Variants in PGPEP1 observed in about 807,000 individuals in gnomAD.
PGPEP1 encodes the protein pyroglutamyl-peptidase 1.
A neutral mutation model predicts 24.1 loss-of-function variants in PGPEP1; 15 were observed. That is an observed-to-expected ratio of 0.62 (90% CI 0.42 to 0.96). The LOEUF is 0.96. Among genes scored for constraint, PGPEP1 ranks in the 40% least tolerant of loss-of-function variants. The probability of loss-of-function intolerance (pLI) is 0.00; values close to 1 mark genes in which losing one functional copy is unlikely to be tolerated. For synonymous variants in PGPEP1, 122 were observed against 116.4 expected (o/e 1.05, Z -0.31); for missense variants, 242 against 273.4 (o/e 0.89, Z 0.81).
At chr19:18,351,786 AAATTC>A in intron 2 of PGPEP1, among the ~76,000 whole-genome samples, 1 of 151,942 alleles carries the variant, frequency 6.6e-6, no homozygotes, top group South Asian at 2.1e-4. Context: ...CTAAAAGAAA[AAATTC>A]TATGGGATTT....
chr19:18,346,871 C>T (rs1970862993), intron 2 of PGPEP1, among the ~76,000 whole-genome samples: 2 of 151,770 alleles, frequency 1.3e-5, no homozygotes, highest in Non-Finnish European at 2.9e-5. Flanking sequence ...AACTCCCGAC[C>T]TCAGGTGATT....
rs1971353680 is a variant in PGPEP1 at position 18,361,753 on chromosome 19, C to CAT, written c.438-1632_438-1631dup. ...TCCTACTGACTGACACGTTTCCGTA[C>CAT]ATATATACATCACTTGGCCTGCTGC... On this transcript the variant is annotated intron_variant, in intron 4 of 4. Coordinates refer to ENST00000269919, the MANE Select transcript of PGPEP1 (RefSeq NM_017712.4). The CAT allele has an allele frequency of 8.1e-6, 8 of 985,232 alleles. No individual in the cohort carries two copies. In the Admixed American group the frequency reaches 4.9e-4, roughly 61 times the overall value. 61.0% of individuals were successfully genotyped at this position (985,232 alleles called of 1,614,324 possible). A position where few individuals can be genotyped will look rare whatever the true frequency, so the allele number is the denominator to read the frequency against.
intron 2 of PGPEP1, 60 bp from the exon 3 acceptor site, chr19:18,355,835 G>C: frequency 4.8e-6 from 5 of 1,031,576 alleles, no homozygotes; most frequent in Non-Finnish European, 6.1e-6. Flanking sequence ...CCCCCAGAGA[G>C]CGCATTATCC....
chr19:18,362,806 C>T (rs1240788429), intron 4 of PGPEP1, among the ~76,000 whole-genome samples: 3 of 151,048 alleles, frequency 2.0e-5, no homozygotes, highest in Non-Finnish European at 4.4e-5. Context: ...GTAGGAGGAT[C>T]GCTGGAGGCC....
chr19:18,361,935 T>C (rs1459986402), intron 4 of PGPEP1: 1 of 944,906 alleles, frequency 1.1e-6, no homozygotes, highest in African/African-American at 1.8e-5. Context: ...CCACATTCCT[T>C]GTAAACAGAT....
At chr19:18,353,220 A>ATTT (rs371750193) in intron 2 of PGPEP1, among the ~76,000 whole-genome samples, 1 of 141,726 alleles carries the variant, frequency 7.1e-6, no homozygotes, top group African/African-American at 2.6e-5. Flanking sequence ...GGCCTGGTTC[A>ATTT]TTTTTTTTTT....
chr19:18,352,676 C>T (rs987150255), intron 2 of PGPEP1, among the ~76,000 whole-genome samples: 1 of 151,838 alleles, frequency 6.6e-6, no homozygotes, highest in African/African-American at 2.4e-5. Flanking sequence ...ATGCCTCAGC[C>T]TCCCGAGTAG....
chr19:18,341,339 C>T (rs993719267), intron 1 of PGPEP1, among the ~76,000 whole-genome samples: 6 of 152,160 alleles, frequency 3.9e-5, no homozygotes, highest in African/African-American at 1.4e-4. Context: ...TGAGTCAGGG[C>T]CCCTGCTGTC....
intron 4 of PGPEP1, chr19:18,361,715 G>A (rs1971352603): frequency 1.0e-6 from 1 of 985,038 alleles, no homozygotes; most frequent in African/African-American, 1.7e-5. Context: ...GTCAGACACG[G>A]AAACCATGAA....
chr19:18,363,434 C>T lies in PGPEP1; in HGVS notation c.481C>T (p.His161Tyr), dbSNP rs757531379. 1.2e-6 allele frequency: 2 copies of T among 1,613,914 alleles called. No individual in the cohort carries two copies. The highest frequency in any genetic ancestry group is 2.2e-5 in the East Asian group (1 of 44,866). ...FTYYTSLYQS[H>Y]GRSAFVHVPP... Reference sequence around the variant, plus strand: ...CTACTACACCTCTTTGTACCAGAGTCACGGTCGATCAGCCTTCGTCCACGT... The same window carrying T: ...CTACTACACCTCTTTGTACCAGAGTTACGGTCGATCAGCCTTCGTCCACGT... Residue 161 changes from histidine (H) to tyrosine (Y), a missense_variant, in exon 5 of 5, where the codon CAC (histidine) becomes TAC (tyrosine). Coordinates refer to ENST00000269919, the MANE Select transcript of PGPEP1 (RefSeq NM_017712.4).
intron 4 of PGPEP1, chr19:18,361,658 G>C: frequency 5.6e-6 from 5 of 895,422 alleles, no homozygotes; most frequent in Non-Finnish European, 6.7e-6. Flanking sequence ...GTCTAATTGG[G>C]AAAAATTCTC....
rs765932192 is a variant in PGPEP1 at position 18,340,641 on chromosome 19, G to C, written c.-41G>C. On this transcript the variant is annotated 5_prime_UTR_variant, in exon 1 of 5. Coordinates refer to ENST00000269919, the MANE Select transcript of PGPEP1 (RefSeq NM_017712.4). Reference sequence around the variant, plus strand: ...TGCAGCGGCAGCAGCTGTCGCGCCAGTCGCAACAGAAGCAGGTCCGAGGCA... The same window carrying C: ...TGCAGCGGCAGCAGCTGTCGCGCCACTCGCAACAGAAGCAGGTCCGAGGCA... 6.6e-7 allele frequency: 1 copy of C among 1,519,190 alleles called. No homozygotes were observed. Among genetic ancestry groups the C allele is most frequent in the East Asian group, 2.8e-5 (1 of 35,272 alleles). 94.1% of individuals were successfully genotyped at this position (1,519,190 alleles called of 1,614,324 possible). A position where few individuals can be genotyped will look rare whatever the true frequency, so the allele number is the denominator to read the frequency against.
At chr19:18,344,585 T>G (rs1429987364) in intron 2 of PGPEP1, among the ~76,000 whole-genome samples, 1 of 102,730 alleles carries the variant, frequency 9.7e-6, no homozygotes, top group East Asian at 2.1e-4. Flanking sequence ...GTTTTGGCTG[T>G]TTCCCTTTTT....
intron 2 of PGPEP1, among the ~76,000 whole-genome samples, chr19:18,345,872 C>G (rs1322931382): frequency 6.6e-6 from 1 of 151,876 alleles, no homozygotes; most frequent in Non-Finnish European, 1.5e-5. Context: ...AACCCTGTCT[C>G]TACTAAAAAT....
At chr19:18,354,387 C>T (rs1432570386) in intron 2 of PGPEP1, among the ~76,000 whole-genome samples, 2 of 150,310 alleles carry the variant, frequency 1.3e-5, no homozygotes, top group Non-Finnish European at 3.0e-5. Context: ...CCCAGCTACT[C>T]GGGAGGCTGA....
chr19:18,343,081 C>T (rs1053915560), intron 2 of PGPEP1, among the ~76,000 whole-genome samples, 170 bp downstream of exon 2: 14 of 151,730 alleles, frequency 9.2e-5, no homozygotes, highest in African/African-American at 3.4e-4. Flanking sequence ...CCCACTGCAA[C>T]CTTCGCCTCC....
rs2144588960 is a variant in PGPEP1 at position 18,364,497 on chromosome 19, C to T, written c.*914C>T. 6.6e-6 allele frequency: 1 copy of T among 152,336 alleles called. No individual in the cohort carries two copies. The highest frequency in any genetic ancestry group is 2.1e-4 in the South Asian group (1 of 4,832). 9.4% of individuals were successfully genotyped at this position (152,336 alleles called of 1,614,324 possible). On this transcript the variant is annotated 3_prime_UTR_variant, in exon 5 of 5. Coordinates refer to ENST00000269919, the MANE Select transcript of PGPEP1 (RefSeq NM_017712.4). ...GGCATGGTGATGAGTGCCTGTAGTC[C>T]CAGCTACTCGGGAGGCTGAGGCTGG...
At chr19:18,360,047 T>C (rs929039247) in intron 4 of PGPEP1, among the ~76,000 whole-genome samples, 2 of 152,012 alleles carry the variant, frequency 1.3e-5, no homozygotes, top group Admixed American at 6.6e-5. Context: ...CTCTGTTGCA[T>C]AGGCTGGAGT....
chr19:18,352,654 C>T (rs1971070461), intron 2 of PGPEP1, among the ~76,000 whole-genome samples: 1 of 151,570 alleles, frequency 6.6e-6, no homozygotes, highest in Non-Finnish European at 1.5e-5. Context: ...CTCCCAGATT[C>T]AAGCCATTCT....
Sources: allele counts gnomAD v4.1 joint callset (sites outside exome capture counted in the v4.1 genomes callset), GRCh38; gene constraint gnomAD v4.1.1; transcripts MANE v1.5; gene names NCBI Gene and HGNC (gene_info 2026-07-23, HGNC 2026-07-21).